LRRC56: variants seen among roughly 807,000 people sequenced by gnomAD.
LRRC56 encodes the protein leucine rich repeat containing 56.
LRRC56 carries 41 observed loss-of-function variants against 47.8 expected under a neutral mutation model. The observed-to-expected ratio is 0.86, with a 90% CI of 0.67 to 1.11. The LOEUF (loss-of-function observed/expected upper bound fraction) is 1.11, where lower values mean the gene tolerates loss of function less well. Ranked by LOEUF, LRRC56 falls within the 50% of genes most tolerant of loss-of-function variation. LRRC56 has a pLI of 0.00. For synonymous variants in LRRC56, 387 were observed against 311.2 expected, an observed-to-expected ratio of 1.24 and a Z score of -2.56; for missense variants, 759 against 704.2, an observed-to-expected ratio of 1.08 and a Z score of -0.88.
chr11:551,799 A>G lies in LRRC56; in HGVS notation c.945A>G (p.Pro315=). Residue 315 remains proline (P), a synonymous_variant, in exon 10 of 14, where the codon CCA becomes CCG. Coordinates refer to ENST00000270115, the MANE Select transcript of LRRC56 (RefSeq NM_198075.4). Reference sequence around the variant, plus strand: ...GCCTGCTTTCTGAGGACCTGGCCCCAGAAGATAACACCAGCAGCCTCACCC... The same window carrying G: ...GCCTGCTTTCTGAGGACCTGGCCCCGGAAGATAACACCAGCAGCCTCACCC... ...PEGLLSEDLA[P]EDNTSSLTHG... is the part of the protein sequence containing the mutation. The G allele has an allele frequency of 2.5e-6, 4 of 1,608,620 alleles. No homozygotes were observed. The highest frequency in any genetic ancestry group is 3.4e-6 in the Non-Finnish European group (4 of 1,177,338).
intron 6 of LRRC56, among the ~76,000 whole-genome samples, chr11:548,856 G>A (rs1408259598): frequency 3.9e-5 from 6 of 152,344 alleles, no homozygotes; most frequent in East Asian, 3.9e-4. Flanking sequence ...GGGAAGAGGC[G>A]TGAACTGAGA....
the LRRC56 span, among the ~76,000 whole-genome samples, chr11:507,638 C>T: frequency 6.6e-6 from 1 of 152,194 alleles, no homozygotes; most frequent in Non-Finnish European, 1.5e-5. Context: ...GGGCGCGGGG[C>T]GCGGCCCCCG....
Position 554,026 on chromosome 11 carries a change from A to G in LRRC56, c.1379A>G (p.Asp460Gly). 1 of 1,612,180 alleles carries G rather than the reference A, an allele frequency of 6.2e-7. No homozygotes were observed. The highest frequency in any genetic ancestry group is 8.5e-7 in the Non-Finnish European group (1 of 1,179,746). The change falls in exon 14 of 14, where the codon GAT (aspartate) becomes GGT (glycine). Residue 460 changes from aspartate to glycine, a missense_variant. Transcript: ENST00000270115. ...PSPPKHPRPR[D>G]SGSSSPRWST... is the part of the protein sequence containing the mutation. ...CCTCCCAAGCACCCAAGGCCACGAGATTCTGGCAGCAGCTCCCCGCGGTGG... is the reference window on the plus strand; with the variant it reads ...CCTCCCAAGCACCCAAGGCCACGAGGTTCTGGCAGCAGCTCCCCGCGGTGG...
Position 554,651 on chromosome 11 carries a change from C to T in LRRC56, c.*375C>T. On this transcript the variant is annotated 3_prime_UTR_variant, in exon 14 of 14. Transcript: ENST00000270115. ...GGGCTGGAGCTGCGAGTCCACCACT[C>T]CCTTGCCGGCCCCAGGGTAAGAGCC... 1 of 406,338 alleles carries T rather than the reference C, an allele frequency of 2.5e-6. No individual in the cohort carries two copies. Among genetic ancestry groups the T allele is most frequent in the East Asian group, 4.3e-5 (1 of 23,382 alleles). The allele number at this position is 406,338 out of a possible 1,614,324, so 25.2% of individuals were successfully genotyped here. A position where few individuals can be genotyped will look rare whatever the true frequency, so the allele number is the denominator to read the frequency against.
chr11:526,832 G>A, the LRRC56 span, among the ~76,000 whole-genome samples: 9 of 152,166 alleles, frequency 5.9e-5, no homozygotes, highest in African/African-American at 2.2e-4. Flanking sequence ...AGCTACTGGG[G>A]AGGCTGAGAC....
chr11:536,294 T>C (rs1023959464), upstream of LRRC56, among the ~76,000 whole-genome samples: 1 of 152,214 alleles, frequency 6.6e-6, no homozygotes, highest in African/African-American at 2.4e-5. Context: ...AACTTGAGGT[T>C]CCAACGCTGC....
rs12792519 is a variant in LRRC56, at chr11:553,866, G to A, written c.1316-97G>A. 0.63 allele frequency: 676,365 copies of A among 1,079,404 alleles called. 214,460 individuals are homozygous for A. Among genetic ancestry groups the A allele is most frequent in the East Asian group, 0.83 (34,138 of 41,054 alleles). 66.9% of individuals were successfully genotyped at this position (1,079,404 alleles called of 1,614,324 possible). On this transcript the variant is annotated intron_variant, in intron 13 of 13. Coordinates refer to ENST00000270115, the MANE Select transcript of LRRC56 (RefSeq NM_198075.4). ...GTGGACCCCCAAGGACCACTGCCTC[G>A]GGGCTGCAGGGCCACGGGTGGGCTG...
chr11:526,347 C>T, the LRRC56 span, among the ~76,000 whole-genome samples: 54 of 152,286 alleles, frequency 3.5e-4, no homozygotes, highest in East Asian at 9.6e-4. Flanking sequence ...GAAACCATAA[C>T]GAGATCCCGC....
chr11:520,802 T>G, the LRRC56 span, among the ~76,000 whole-genome samples: 1 of 152,114 alleles, frequency 6.6e-6, no homozygotes, highest in South Asian at 2.1e-4. Flanking sequence ...GAGGCCGTGC[T>G]CACCCCTACG....
chr11:511,049 C>T, the LRRC56 span, among the ~76,000 whole-genome samples: 3 of 152,008 alleles, frequency 2.0e-5, no homozygotes, highest in Non-Finnish European at 4.4e-5. Flanking sequence ...TGGCCCGGCA[C>T]GGTGGCTCAC....
the LRRC56 span, among the ~76,000 whole-genome samples, chr11:515,707 G>A: frequency 3.3e-5 from 5 of 151,920 alleles, no homozygotes; most frequent in Middle Eastern, 3.2e-3. Flanking sequence ...GTGTGGTGGC[G>A]GGCACCTGTA....
the LRRC56 span, among the ~76,000 whole-genome samples, chr11:522,470 G>A: frequency 6.6e-6 from 1 of 152,104 alleles, no homozygotes; most frequent in South Asian, 2.1e-4. Flanking sequence ...GTTTCACTGT[G>A]TTAGCCAGGA....
Position 554,539 on chromosome 11 carries a change from T to C in LRRC56, c.*263T>C. On this transcript the variant is annotated 3_prime_UTR_variant, in exon 14 of 14. Transcript: ENST00000270115. ...CCAGCCCTTCCTTAGGGCCAGGCTT[T>C]CCCGCGGGCACGGGGGTGGGGGGTG... The C allele has an allele frequency of 5.8e-6, 2 of 345,566 alleles. No individual in the cohort carries two copies. The highest frequency in any genetic ancestry group is 4.8e-5 in the Admixed American group (1 of 20,836). 21.4% of individuals were successfully genotyped at this position (345,566 alleles called of 1,614,324 possible).
At chr11:552,331 G>C (rs58139375) in intron 12 of LRRC56, 99 bp downstream of exon 12, 1 of 1,464,704 alleles carries the variant, frequency 6.8e-7, no homozygotes, top group African/African-American at 1.5e-5. Context: ...CCCAAGGCTC[G>C]TGGACCATCC....
intron 12 of LRRC56, 22 bp from the exon 13 acceptor site, chr11:552,547 T>G (rs3740652): frequency 2.5e-6 from 4 of 1,578,354 alleles, no homozygotes; most frequent in Admixed American, 3.5e-5. Context: ...GGCTGGAGCT[T>G]CTCCTCCTCT....
intron 6 of LRRC56, among the ~76,000 whole-genome samples, chr11:549,231 A>G (rs1352748486): frequency 6.6e-6 from 1 of 152,180 alleles, no homozygotes; most frequent in East Asian, 1.9e-4. Flanking sequence ...AAAGCCTGTG[A>G]GCTCAGGTGG....
chr11:535,875 C>G (rs1851468192), upstream of LRRC56, among the ~76,000 whole-genome samples: 1 of 152,202 alleles, frequency 6.6e-6, no homozygotes, highest in Admixed American at 6.5e-5. Context: ...GGGAACAGGC[C>G]GGCGAGAGAA....
At chr11:525,673 A>G in the LRRC56 span, among the ~76,000 whole-genome samples, 78 of 152,260 alleles carry the variant, frequency 5.1e-4, no homozygotes, top group Non-Finnish European at 9.4e-4. Context: ...AGGCAGAAGG[A>G]TCACTTGAGG....
At chr11:544,647 T>C in intron 5 of LRRC56, 73 bp from the exon 6 acceptor site, 1 of 1,499,876 alleles carries the variant, frequency 6.7e-7, no homozygotes, top group Admixed American at 1.7e-5. Context: ...TGCTGATGCC[T>C]AGGGGTGAAG....
Sources: gnomAD v4.1 joint callset for allele counts (sites outside exome capture counted in the v4.1 genomes callset) on GRCh38, gnomAD v4.1.1 for gene constraint, MANE v1.5 for transcripts, NCBI Gene and HGNC (gene_info 2026-07-23, HGNC 2026-07-21) for gene names.